Variants in SOX13 observed in about 807,000 individuals in gnomAD.
SOX13 encodes transcription factor SOX-13.
In SOX13, 28 loss-of-function variants were observed where a neutral mutation model predicts 71.8. The ratio of observed to expected loss-of-function variants is 0.39; its 90% CI spans 0.29 to 0.53. The LOEUF (loss-of-function observed/expected upper bound fraction) is 0.53. Among genes scored for constraint, SOX13 ranks in the 20% least tolerant of loss-of-function variants. SOX13 has a pLI of 0.70. For synonymous variants in SOX13, 309 were observed against 317.8 expected (o/e 0.97, Z 0.29); for missense variants, 627 against 810.3 (o/e 0.77, Z 2.75).
intron 7 of SOX13, among the ~76,000 whole-genome samples, chr1:204,121,090 C>T (rs1186061779): frequency 6.6e-6 from 1 of 152,024 alleles, no homozygotes; most frequent in Non-Finnish European, 1.5e-5. Flanking sequence ...AGCGATTCTC[C>T]TGCCTCAGCC....
At chr1:204,105,176 G>A (rs528804692) in intron 1 of SOX13, among the ~76,000 whole-genome samples, 15 of 152,272 alleles carry the variant, frequency 9.9e-5, no homozygotes, top group Non-Finnish European at 2.1e-4. Flanking sequence ...GGGGGCCTCG[G>A]GGCCTGGTAG....
chr1:204,099,294 A>G (rs1225605566), intron 1 of SOX13, among the ~76,000 whole-genome samples: 2 of 152,204 alleles, frequency 1.3e-5, no homozygotes, highest in African/African-American at 4.8e-5. Context: ...TGAAGGAATT[A>G]AAAGGCTAAA....
chr1:204,123,308 C>A lies in SOX13; in HGVS notation c.1231+100C>A. On this transcript the variant is annotated intron_variant, in intron 11 of 13. Transcript: ENST00000367204. The surrounding 1 kb of genome is among the most constrained non-coding windows in gnomAD (Gnocchi z 5.0). ...CCTCTGATCTCTTCCCTCCCTTGGTCTGTTGGGTCCTTTCCAGGTGTGTGT... is the reference window on the plus strand; with the variant it reads ...CCTCTGATCTCTTCCCTCCCTTGGTATGTTGGGTCCTTTCCAGGTGTGTGT... 2.1e-6 allele frequency: 2 copies of A among 944,828 alleles called. No homozygotes were observed. The highest frequency in any genetic ancestry group is 3.4e-6 in the Non-Finnish European group (2 of 581,386). 58.5% of individuals were successfully genotyped at this position (944,828 alleles called of 1,614,324 possible).
chr1:204,116,167 G>A, intron 4 of SOX13: 1 of 1,264,722 alleles, frequency 7.9e-7, no homozygotes, highest in Non-Finnish European at 1.0e-6. Flanking sequence ...TCCCTCCGAT[G>A]GGATGGTTGT....
chr1:204,073,679 C>A lies in SOX13; in HGVS notation c.-34C>A, dbSNP rs1171701148. On this transcript the variant is annotated 5_prime_UTR_variant, in exon 1 of 14. Coordinates refer to ENST00000367204, the MANE Select transcript of SOX13 (RefSeq NM_005686.3). The surrounding 1 kb of genome is among the most constrained non-coding windows in gnomAD (Gnocchi z 6.8). ...AGGAGCAGGAGCGCGGAGCCGCGAG[C>A]CCCGAGCCCCGAGCCCGGCGCCTGG... 2.0e-5 allele frequency: 3 copies of A among 152,246 alleles called. No individual in the cohort carries two copies. Among genetic ancestry groups the A allele is most frequent in the Admixed American group, 1.3e-4 (2 of 15,286 alleles). 9.4% of individuals were successfully genotyped at this position (152,246 alleles called of 1,614,324 possible). A position where few individuals can be genotyped will look rare whatever the true frequency, so the allele number is the denominator to read the frequency against.
At chr1:204,104,928 G>T (rs749919581) in intron 1 of SOX13, among the ~76,000 whole-genome samples, 3 of 152,244 alleles carry the variant, frequency 2.0e-5, no homozygotes, top group Non-Finnish European at 2.9e-5. Context: ...AGGGTCAGTT[G>T]TTGACTGGTT....
intron 1 of SOX13, among the ~76,000 whole-genome samples, chr1:204,074,605 G>C (rs969347239): frequency 1.3e-5 from 2 of 152,208 alleles, no homozygotes; most frequent in Non-Finnish European, 2.9e-5. Context: ...CGCGGGATTC[G>C]CTCAGCTGCC....
chr1:204,113,254 G>C (rs752238898), intron 2 of SOX13, 120 bp downstream of exon 2: 21 of 832,870 alleles, frequency 2.5e-5, no homozygotes, highest in Non-Finnish European at 3.8e-5. Flanking sequence ...GGTGATCCTA[G>C]GGGTAAGACG....
At chr1:204,121,553 G>A (rs1019324327) in intron 7 of SOX13, among the ~76,000 whole-genome samples, 9 of 152,328 alleles carry the variant, frequency 5.9e-5, no homozygotes, top group African/African-American at 2.2e-4. Flanking sequence ...CCGCTTTTGT[G>A]CCCTGTGCCC....
At chr1:204,097,241 C>T (rs1656269898) in intron 1 of SOX13, among the ~76,000 whole-genome samples, 1 of 152,132 alleles carries the variant, frequency 6.6e-6, no homozygotes, top group South Asian at 2.1e-4. Context: ...ATCATTTCAA[C>T]CACGGGGCAT....
intron 1 of SOX13, among the ~76,000 whole-genome samples, chr1:204,084,313 C>G (rs1655971425): frequency 6.6e-6 from 1 of 152,090 alleles, no homozygotes; most frequent in South Asian, 2.1e-4. Context: ...AACCCCAAGC[C>G]TCTCCCAGGC....
chr1:204,089,584 G>A (rs753830959), intron 1 of SOX13, among the ~76,000 whole-genome samples: 6 of 152,226 alleles, frequency 3.9e-5, no homozygotes, highest in Non-Finnish European at 8.8e-5. Flanking sequence ...CCTGTGGAAA[G>A]AATGGTGCAC....
At chr1:204,117,965 T>G in intron 7 of SOX13, 1 of 467,994 alleles carries the variant, frequency 2.1e-6, no homozygotes, top group Middle Eastern at 5.9e-4. Context: ...TCTCCAACTC[T>G]AGTACATTTA....
At chr1:204,109,518 A>C (rs181247927) in intron 1 of SOX13, among the ~76,000 whole-genome samples, 271 of 152,276 alleles carry the variant, frequency 1.8e-3, no homozygotes, top group African/African-American at 6.0e-3. Context: ...AGCCTAGGAG[A>C]AATAGGCTAT....
intron 13 of SOX13, among the ~76,000 whole-genome samples, chr1:204,125,081 A>G (rs1322251534): frequency 1.3e-5 from 2 of 152,176 alleles, no homozygotes; most frequent in Non-Finnish European, 2.9e-5. Context: ...CTGAGGATGT[A>G]GGAATGTGAC....
chr1:204,088,922 G>A (rs1287018791), intron 1 of SOX13, among the ~76,000 whole-genome samples: 1 of 152,160 alleles, frequency 6.6e-6, no homozygotes, highest in Non-Finnish European at 1.5e-5. Flanking sequence ...CATGAAGGGA[G>A]ATGCTGGTGG....
chr1:204,104,155 C>T (rs1220249345), intron 1 of SOX13, among the ~76,000 whole-genome samples: 1 of 152,200 alleles, frequency 6.6e-6, no homozygotes. Context: ...AGTGCCTCTT[C>T]TCCCATGCTT....
intron 1 of SOX13, among the ~76,000 whole-genome samples, chr1:204,105,202 C>CT (rs1227418304): frequency 2.6e-5 from 4 of 152,130 alleles, no homozygotes; most frequent in African/African-American, 9.7e-5. Flanking sequence ...AGCTGAGACT[C>CT]AAGGCTCTGC....
At chr1:204,090,436 T>G (rs1225123386) in intron 1 of SOX13, among the ~76,000 whole-genome samples, 1 of 146,682 alleles carries the variant, frequency 6.8e-6, no homozygotes, top group Non-Finnish European at 1.5e-5. Flanking sequence ...TGAGATGTAG[T>G]CTCACTCTGT....
Sources: gnomAD v4.1 joint callset for allele counts (sites outside exome capture counted in the v4.1 genomes callset) on GRCh38, gnomAD v4.1.1 for gene constraint, Gnocchi (gnomAD v3.1) non-coding constraint, MANE v1.5 for transcripts, NCBI Gene and HGNC (gene_info 2026-07-23, HGNC 2026-07-21) for gene names.